The following USP49 variants were observed in gnomAD, a reference collection of about 807,000 sequenced individuals.
The protein encoded by USP49 is ubiquitin carboxyl-terminal hydrolase 49.
In USP49, 24 loss-of-function variants were observed where a neutral mutation model predicts 58.6. The observed-to-expected ratio is 0.41, with a 90% confidence interval of 0.30 to 0.58. The LOEUF is 0.58. Ranked by LOEUF, USP49 falls within the 20% of genes least tolerant of loss-of-function variation. The pLI is 0.30. For synonymous variants in USP49, 408 were observed against 365.1 expected (o/e 1.12, Z -1.34); for missense variants, 703 against 866.1 (o/e 0.81, Z 2.36).
chr6:41,815,377 C>T lies in USP49; in HGVS notation c.-28-8366G>A, dbSNP rs568476092. On this transcript the variant is annotated intron_variant, in intron 3 of 7. Coordinates refer to ENST00000682992, the MANE Select transcript of USP49 (RefSeq NM_001286554.2). ...CGGAGCTTCCAGTGAGCCAAGATTGCGCCACTGCACTCCAGCCTGGGCGAC... is the reference window on the plus strand; with the variant it reads ...CGGAGCTTCCAGTGAGCCAAGATTGTGCCACTGCACTCCAGCCTGGGCGAC... Among the ~76,000 whole-genome samples the T allele has an allele frequency of 1.1e-4, 17 of 151,286 alleles. No individual in the cohort carries two copies. The East Asian group carries it at 2.7e-3, about 24-fold the overall frequency.
chr6:41,890,438 C>G (rs771172594), intron 2 of USP49, among the ~76,000 whole-genome samples: 1 of 151,076 alleles, frequency 6.6e-6, no homozygotes, highest in Non-Finnish European at 1.5e-5. Context: ...GGAGGCCAGG[C>G]GCGGTGGCTC....
In USP49 at chr6:41,830,121, C is replaced by G. The variant is rs559558894; in HGVS notation, c.-28-23110G>C. 1.6e-4 allele frequency among the ~76,000 whole-genome samples: 25 copies of G among 152,214 alleles called. No individual in the cohort carries two copies. The South Asian group carries it at 4.8e-3, about 29-fold the overall frequency. ...TTCAAATCCATTTTTAGAAGATTAG[C>G]CTTTCATTTTCTTATAATATACTGA... is the stretch of plus-strand genomic sequence containing the variant. On this transcript the variant is annotated intron_variant, in intron 3 of 7. Coordinates refer to ENST00000682992, the MANE Select transcript of USP49 (RefSeq NM_001286554.2).
intron 3 of USP49, among the ~76,000 whole-genome samples, chr6:41,807,794 G>A (rs749703271): frequency 2.0e-5 from 3 of 149,648 alleles, no homozygotes; most frequent in African/African-American, 4.9e-5. Context: ...TTTTTTTTGA[G>A]GTCGAGCCTC....
At chr6:41,809,896 A>C (rs1428891373) in intron 3 of USP49, among the ~76,000 whole-genome samples, 3 of 151,646 alleles carry the variant, frequency 2.0e-5, no homozygotes, top group African/African-American at 7.3e-5. Context: ...TCACGCCTGT[A>C]ATCCCAGCAT....
intron 2 of USP49, among the ~76,000 whole-genome samples, chr6:41,881,242 T>G (rs1408002424): frequency 7.5e-6 from 1 of 133,274 alleles, no homozygotes; most frequent in African/African-American, 2.9e-5. Context: ...CCTACGCAGA[T>G]TTTTGTAAGC....
At chr6:41,798,202 C>A in intron 7 of USP49, 1 of 162,578 alleles carries the variant, frequency 6.2e-6, no homozygotes, top group South Asian at 1.6e-4. Flanking sequence ...CATGTCAGTT[C>A]CTTTTAATTC....
At chr6:41,807,561 C>T (rs1773164257) in intron 3 of USP49, among the ~76,000 whole-genome samples, 1 of 152,092 alleles carries the variant, frequency 6.6e-6, no homozygotes, top group Admixed American at 6.5e-5. Context: ...CCACTTCAGC[C>T]TCCCGAGTAT....
chr6:41,798,941 A>G lies in USP49; in HGVS notation c.1671-12T>C. On this transcript the variant is annotated splice_polypyrimidine_tract_variant and intron_variant, in intron 6 of 7. Coordinates refer to ENST00000682992, the MANE Select transcript of USP49 (RefSeq NM_001286554.2). ...TACGGCCAGACCACCTAGAACATGGATATAAGCTTGTTACTAGTAAAAACT... is the reference window on the plus strand; with the variant it reads ...TACGGCCAGACCACCTAGAACATGGGTATAAGCTTGTTACTAGTAAAAACT... 1 of 1,611,032 alleles carries G rather than the reference A, an allele frequency of 6.2e-7. No homozygotes were observed. The highest frequency in any genetic ancestry group is 8.5e-7 in the Non-Finnish European group (1 of 1,178,488).
chr6:41,865,916 CTTTTTT>C (rs34663718), intron 3 of USP49, among the ~76,000 whole-genome samples: 1 of 65,388 alleles, frequency 1.5e-5, no homozygotes, highest in Non-Finnish European at 2.6e-5. Context: ...AGCATGGTGC[CTTTTTT>C]TTTTTTTTTT....
rs149239524 is a variant in USP49, at chr6:41,799,977, G to A, written c.1562-39C>T. ...GAAGGTATAAGACATAGGTTGTGAG[G>A]AGTTTTTTCTAGCTATGGCAGAGAC... On this transcript the variant is annotated intron_variant, in intron 5 of 7. Coordinates refer to ENST00000682992, the MANE Select transcript of USP49 (RefSeq NM_001286554.2). 2.4e-4 allele frequency: 381 copies of A among 1,579,226 alleles called. 1 individual carries two copies. The highest frequency in any genetic ancestry group is 1.2e-3 in the Middle Eastern group (7 of 5,988).
intron 4 of USP49, among the ~76,000 whole-genome samples, chr6:41,805,030 G>A (rs557168864): frequency 2.0e-5 from 3 of 152,246 alleles, no homozygotes; most frequent in Non-Finnish European, 4.4e-5. Flanking sequence ...TTACAGGCAT[G>A]AGCCACCGTG....
chr6:41,802,261 A>G (rs1012524960), intron 5 of USP49, among the ~76,000 whole-genome samples: 1 of 151,880 alleles, frequency 6.6e-6, no homozygotes, highest in Non-Finnish European at 1.5e-5. Context: ...GCTTCAGGCA[A>G]TCCTCCTGCC....
intron 3 of USP49, among the ~76,000 whole-genome samples, chr6:41,864,967 A>G (rs1774284552): frequency 1.3e-5 from 2 of 152,180 alleles, no homozygotes; most frequent in East Asian, 3.8e-4. Context: ...GCATTTAAGA[A>G]TATTTTTCTT....
At chr6:41,879,378 GCCA>G in intron 2 of USP49, among the ~76,000 whole-genome samples, 1 of 152,188 alleles carries the variant, frequency 6.6e-6, no homozygotes, top group Non-Finnish European at 1.5e-5. Context: ...ACAGGTGCAT[GCCA>G]CCACACCTGG....
At chr6:41,808,027 T>G (rs1290986006) in intron 3 of USP49, among the ~76,000 whole-genome samples, 1 of 152,178 alleles carries the variant, frequency 6.6e-6, no homozygotes, top group Non-Finnish European at 1.5e-5. Context: ...TCTGCCCGCC[T>G]CAGCCTCCTA....
intron 3 of USP49, among the ~76,000 whole-genome samples, chr6:41,808,466 G>T (rs1773183357): frequency 1.4e-5 from 2 of 144,582 alleles, no homozygotes; most frequent in Admixed American, 1.4e-4. Flanking sequence ...CTGGAGTACA[G>T]TGGCGTGGTC....
chr6:41,799,056 A>C, intron 6 of USP49, 127 bp from the exon 7 acceptor site: 1 of 1,133,846 alleles, frequency 8.8e-7, no homozygotes. Context: ...CCATCAATAA[A>C]ATGGTGGTAA....
chr6:41,866,426 T>C (rs1418269198), intron 3 of USP49, among the ~76,000 whole-genome samples: 1 of 152,120 alleles, frequency 6.6e-6, no homozygotes, highest in Non-Finnish European at 1.5e-5. Context: ...TTTGTTTTTA[T>C]AGAACAGGGC....
intron 2 of USP49, among the ~76,000 whole-genome samples, chr6:41,881,057 C>T (rs1283306581): frequency 1.3e-5 from 2 of 151,714 alleles, no homozygotes; most frequent in Non-Finnish European, 2.9e-5. Context: ...CTCAGCCTCC[C>T]GAGTAGCTGG....
Sources: gnomAD v4.1 joint callset for allele counts (sites outside exome capture counted in the v4.1 genomes callset) on GRCh38, gnomAD v4.1.1 for gene constraint, MANE v1.5 for transcripts, NCBI Gene and HGNC (gene_info 2026-07-23, HGNC 2026-07-21) for gene names.